KALRN: variants seen among roughly 807,000 people sequenced by gnomAD.
The protein encoded by KALRN is kalirin RhoGEF kinase.
Under a neutral mutation model 353.7 loss-of-function variants are expected in KALRN, and 70 were observed. The ratio of observed to expected loss-of-function variants is 0.20; its 90% confidence interval spans 0.16 to 0.24. The LOEUF (loss-of-function observed/expected upper bound fraction) is 0.24. Ranked by LOEUF, KALRN falls within the 10% of genes least tolerant of loss-of-function variation. The probability of loss-of-function intolerance (pLI) is 1.00; values close to 1 mark genes in which losing one functional copy is unlikely to be tolerated. For synonymous variants in KALRN, 1,391 were observed against 1,434.8 expected, an observed-to-expected ratio of 0.97 and a Z score of 0.69; for missense variants, 2,791 against 3,756.7, an observed-to-expected ratio of 0.74 and a Z score of 6.72.
At chr3:124,528,023 G>A (rs1380629323) in intron 33 of KALRN, among the ~76,000 whole-genome samples, 1 of 152,190 alleles carries the variant, frequency 6.6e-6, no homozygotes, top group Non-Finnish European at 1.5e-5. Flanking sequence ...GGGCATTGCA[G>A]ATTCTGAATA....
At chr3:124,246,461 G>GT (rs896077703) in intron 3 of KALRN, among the ~76,000 whole-genome samples, 9 of 147,750 alleles carry the variant, frequency 6.1e-5, no homozygotes, top group South Asian at 2.1e-4. Flanking sequence ...GGGCTTGCTT[G>GT]TTTTTTTTTG....
intron 33 of KALRN, among the ~76,000 whole-genome samples, chr3:124,551,766 C>T (rs1287483333): frequency 6.6e-6 from 1 of 152,222 alleles, no homozygotes; most frequent in Non-Finnish European, 1.5e-5. Flanking sequence ...ATTCAGCATG[C>T]ATACACGTGA....
At chr3:124,122,883 A>G (rs2064188170) in intron 1 of KALRN, among the ~76,000 whole-genome samples, 1 of 152,174 alleles carries the variant, frequency 6.6e-6, no homozygotes, top group African/African-American at 2.4e-5. Context: ...AGAAATGATG[A>G]AGCTTAGTGA....
At chr3:124,079,042 G>T (rs1419161840) in intron 1 of KALRN, among the ~76,000 whole-genome samples, 4 of 152,202 alleles carry the variant, frequency 2.6e-5, no homozygotes, top group Non-Finnish European at 1.5e-5. Flanking sequence ...TTGCTTGCTT[G>T]TTTTGTGGCT....
At chr3:124,147,487 C>T (rs2067512665) in intron 1 of KALRN, among the ~76,000 whole-genome samples, 1 of 152,096 alleles carries the variant, frequency 6.6e-6, no homozygotes. Context: ...TTTGAATTGT[C>T]CTGTCAGTAG....
intron 6 of KALRN, among the ~76,000 whole-genome samples, chr3:124,325,113 G>A (rs191711951): frequency 4.6e-5 from 7 of 152,260 alleles, no homozygotes; most frequent in Admixed American, 3.9e-4. Context: ...GCATTTTTCA[G>A]TGACCTAATA....
At chr3:124,338,752 T>C (rs899447295) in intron 9 of KALRN, among the ~76,000 whole-genome samples, 1 of 152,152 alleles carries the variant, frequency 6.6e-6, no homozygotes, top group Non-Finnish European at 1.5e-5. Flanking sequence ...AGTCTCCCAC[T>C]ATTATTGTGT....
In KALRN at chr3:124,486,256, G is replaced by C. The variant is rs559165473; in HGVS notation, c.4285-1948G>C. Among the ~76,000 whole-genome samples, 322 of 152,240 alleles carry C rather than the reference G, an allele frequency of 2.1e-3. 1 individual carries two copies. Among genetic ancestry groups the C allele is most frequent in the Middle Eastern group, 3.4e-3 (1 of 294 alleles). Reference sequence around the variant, plus strand: ...ACTTGCTAAATTGTTTTGGGCAGGGGGGGATTAAACTAATTCATGTTTTCT... The same window carrying C: ...ACTTGCTAAATTGTTTTGGGCAGGGCGGGATTAAACTAATTCATGTTTTCT... On this transcript the variant is annotated intron_variant, in intron 28 of 59. Coordinates refer to ENST00000682506, the MANE Select transcript of KALRN (RefSeq NM_001388419.1).
At chr3:124,463,144 C>A (rs934681043) in intron 25 of KALRN, among the ~76,000 whole-genome samples, 1 of 152,234 alleles carries the variant, frequency 6.6e-6, no homozygotes, top group Non-Finnish European at 1.5e-5. Context: ...TAAAACTTCA[C>A]AAGTCATTGT....
chr3:124,345,913 C>G (rs915716788), intron 9 of KALRN, among the ~76,000 whole-genome samples: 2 of 152,174 alleles, frequency 1.3e-5, no homozygotes, highest in African/African-American at 2.4e-5. Flanking sequence ...CTGTTTGCTG[C>G]AGGGCAATCC....
intron 34 of KALRN, among the ~76,000 whole-genome samples, chr3:124,597,998 G>A (rs2149423073): frequency 6.6e-6 from 1 of 152,286 alleles, no homozygotes; most frequent in African/African-American, 2.4e-5. Context: ...TCTAGTCTGA[G>A]GGAAGACCCA....
chr3:124,696,424 C>G (rs375399784), intron 54 of KALRN, among the ~76,000 whole-genome samples, 169 bp downstream of exon 54: 2 of 152,116 alleles, frequency 1.3e-5, no homozygotes, highest in Admixed American at 1.3e-4. Flanking sequence ...CACCATGCCT[C>G]GCTAATTTTT....
chr3:124,316,289 C>T (rs970462596), intron 6 of KALRN, among the ~76,000 whole-genome samples: 2 of 152,180 alleles, frequency 1.3e-5, no homozygotes, highest in Non-Finnish European at 2.9e-5. Context: ...CCTTTGCTCC[C>T]CAGCAGTCCA....
chr3:124,199,472 C>T (rs2075759703), intron 1 of KALRN, among the ~76,000 whole-genome samples: 1 of 152,148 alleles, frequency 6.6e-6, no homozygotes, highest in Non-Finnish European at 1.5e-5. Context: ...AAGCTAGTTT[C>T]CTTTTATACT....
At chr3:124,476,866 G>A (rs2061477660) in intron 26 of KALRN, among the ~76,000 whole-genome samples, 1 of 152,168 alleles carries the variant, frequency 6.6e-6, no homozygotes, top group South Asian at 2.1e-4. Flanking sequence ...TTTGTATTCA[G>A]AGCAAATGCT....
At chr3:124,567,196 AGG>A (rs1368191482) in intron 34 of KALRN, among the ~76,000 whole-genome samples, 1 of 152,138 alleles carries the variant, frequency 6.6e-6, no homozygotes, top group Non-Finnish European at 1.5e-5. Flanking sequence ...AGTGTTCCAT[AGG>A]TGAATCTAAG....
At chr3:124,667,490 A>G (rs1029373951) in intron 47 of KALRN, among the ~76,000 whole-genome samples, 46 of 152,322 alleles carry the variant, frequency 3.0e-4, no homozygotes, top group Non-Finnish European at 5.3e-4. Context: ...AGATAGGCAC[A>G]TCCTCTGTGT....
intron 1 of KALRN, among the ~76,000 whole-genome samples, chr3:124,183,571 A>T (rs1359596830): frequency 2.0e-5 from 3 of 152,168 alleles, no homozygotes; most frequent in Admixed American, 2.0e-4. Flanking sequence ...GGGGACAAAC[A>T]TCCAAACTAT....
intron 48 of KALRN, among the ~76,000 whole-genome samples, chr3:124,673,102 G>A (rs897647723): frequency 3.3e-5 from 5 of 151,966 alleles, no homozygotes; most frequent in African/African-American, 4.8e-5. Flanking sequence ...CAAACATATC[G>A]GGCCAGATGC....
Sources: gnomAD v4.1 joint callset for allele counts (sites outside exome capture counted in the v4.1 genomes callset) on GRCh38, gnomAD v4.1.1 for gene constraint, MANE v1.5 for transcripts, NCBI Gene and HGNC (gene_info 2026-07-23, HGNC 2026-07-21) for gene names.